ADCY1: variants seen among roughly 807,000 people sequenced by gnomAD.
ADCY1 encodes the protein adenylate cyclase type 1.
Under a neutral mutation model 105.4 loss-of-function variants are expected in ADCY1, and 28 were observed. That is an observed-to-expected ratio of 0.27 (90% CI 0.20 to 0.36). The LOEUF (loss-of-function observed/expected upper bound fraction) is 0.36. ADCY1 is among the 10% of genes least tolerant of loss of function. ADCY1 has a pLI of 1.00. For missense variants in ADCY1, 977 were observed against 1,434.2 expected (o/e 0.68, Z 5.15); for synonymous variants, 655 against 623.8 (o/e 1.05, Z -0.75).
At chr7:45,584,032 T>C (rs956620544) in intron 1 of ADCY1, among the ~76,000 whole-genome samples, 2 of 150,216 alleles carry the variant, frequency 1.3e-5, no homozygotes, top group Non-Finnish European at 3.0e-5. Flanking sequence ...ACTGCAGCCT[T>C]GAACTCCTGG....
chr7:45,693,881 C>G (rs1431452301), intron 14 of ADCY1, among the ~76,000 whole-genome samples: 2 of 130,826 alleles, frequency 1.5e-5, no homozygotes, highest in African/African-American at 5.9e-5. Flanking sequence ...AACCAAACAC[C>G]GCATATTCTC....
intron 18 of ADCY1, among the ~76,000 whole-genome samples, chr7:45,709,564 C>A (rs962376167): frequency 6.6e-5 from 10 of 152,204 alleles, no homozygotes; most frequent in African/African-American, 2.4e-4. Context: ...GCCCACCTTC[C>A]CCAGCTCACA....
chr7:45,711,607 GTATATATATATATATATATATA>G (rs71030888), intron 19 of ADCY1, among the ~76,000 whole-genome samples: 29 of 70,808 alleles, frequency 4.1e-4, no homozygotes, highest in African/African-American at 1.1e-3. Context: ...ACTTCGTGCT[GTATATATATATATATATATATA>G]TATATATATA....
intron 14 of ADCY1, among the ~76,000 whole-genome samples, chr7:45,696,438 C>CAA (rs11365338): frequency 1.7e-3 from 123 of 73,874 alleles, no homozygotes; most frequent in African/African-American, 5.6e-3. Flanking sequence ...TACTCCATCT[C>CAA]AAAAAAAAAA....
intron 14 of ADCY1, among the ~76,000 whole-genome samples, chr7:45,694,115 T>A (rs141610937): frequency 0.17 from 19,773 of 116,736 alleles, 3,095 homozygotes; most frequent in African/African-American, 0.23. Flanking sequence ...TAGAGTATAA[T>A]AAAAAAAAAA....
intron 4 of ADCY1, among the ~76,000 whole-genome samples, chr7:45,642,945 A>G (rs1336653896): frequency 6.6e-6 from 1 of 152,166 alleles, no homozygotes; most frequent in African/African-American, 2.4e-5. Context: ...TAAATGTTCA[A>G]TTCTTTTTAC....
chr7:45,648,563 T>A, intron 4 of ADCY1, 107 bp from the exon 5 acceptor site: 1 of 1,479,070 alleles, frequency 6.8e-7, no homozygotes, highest in Non-Finnish European at 9.2e-7. Context: ...GCAGCATGTC[T>A]TGCCAGCGCT....
chr7:45,702,872 A>C (rs1320824138), intron 14 of ADCY1, among the ~76,000 whole-genome samples: 3 of 152,210 alleles, frequency 2.0e-5, no homozygotes, highest in Non-Finnish European at 4.4e-5. Flanking sequence ...AGGTCCCTGC[A>C]GGGTTCTACT....
chr7:45,668,924 G>A (rs1010908603), intron 8 of ADCY1, among the ~76,000 whole-genome samples: 2 of 152,184 alleles, frequency 1.3e-5, no homozygotes, highest in African/African-American at 4.8e-5. Flanking sequence ...GCGTAGAAGT[G>A]TTTATAGTAT....
rs944691921 is a variant in ADCY1, at chr7:45,686,084, C to G, written c.2196C>G (p.Leu732=). Residue 732 remains leucine, a synonymous_variant, in exon 13 of 20, where the codon CTC becomes CTG. Transcript: ENST00000297323. This position sits in a 1 kb window ranked among gnomAD's most constrained non-coding sequence, Gnocchi z 4.3. ...GCGAGTCTACACACCATGCCCTGCT[C>G]TGCTGCCTGGTGGGCACCCTCCCGC... ...LPCESTHHAL[L]CCLVGTLPLA... is the part of the protein sequence containing the mutation. 1 of 1,614,176 alleles carries G rather than the reference C, an allele frequency of 6.2e-7. No individual in the cohort carries two copies. The highest frequency in any genetic ancestry group is 2.2e-5 in the East Asian group (1 of 44,864).
intron 4 of ADCY1, among the ~76,000 whole-genome samples, chr7:45,626,654 T>C (rs871563): frequency 0.033 from 4,983 of 152,272 alleles, 123 homozygotes; most frequent in African/African-American, 0.064. Flanking sequence ...ACAACTCTGG[T>C]GTAAATTGGC....
intron 6 of ADCY1, 23 bp from the exon 7 acceptor site, chr7:45,660,019 G>T: frequency 6.2e-7 from 1 of 1,613,710 alleles, no homozygotes; most frequent in Non-Finnish European, 8.5e-7. Flanking sequence ...CACTCATCTG[G>T]CCTCTGCCTC....
At chr7:45,579,484 C>T (rs556461975) in intron 1 of ADCY1, among the ~76,000 whole-genome samples, 1 of 152,286 alleles carries the variant, frequency 6.6e-6, no homozygotes, top group Non-Finnish European at 1.5e-5. Flanking sequence ...CCCCACGGAC[C>T]CCTCCTCCAC....
At chr7:45,603,339 G>T (rs1470771890) in intron 2 of ADCY1, among the ~76,000 whole-genome samples, 1 of 152,164 alleles carries the variant, frequency 6.6e-6, no homozygotes, top group Non-Finnish European at 1.5e-5. Flanking sequence ...AGAATTGCTA[G>T]GTCTTGTGGT....
In ADCY1 at chr7:45,686,516, G is replaced by A. The variant is rs759729605; in HGVS notation, c.2328-31G>A. ...AGTCTTGCCCTGGAAGCTCGGCACT[G>A]ACTTGGCTTTTCTTCCTCATCTTCC... is the stretch of plus-strand genomic sequence containing the variant. On this transcript the variant is annotated intron_variant, in intron 13 of 19. Transcript: ENST00000297323. This position sits in a 1 kb window ranked among gnomAD's most constrained non-coding sequence, Gnocchi z 4.3. 2 of 1,595,760 alleles carry A rather than the reference G, an allele frequency of 1.3e-6. No homozygotes were observed. Among genetic ancestry groups the A allele is most frequent in the Non-Finnish European group, 8.6e-7 (1 of 1,169,428 alleles).
Position 45,574,562 on chromosome 7 carries a change from G to T in ADCY1, c.19G>T (p.Gly7Cys). 2.0e-6 allele frequency: 2 copies of T among 978,860 alleles called. No homozygotes were observed. The highest frequency in any genetic ancestry group is 4.6e-5 in the South Asian group (1 of 21,748). The allele number at this position is 978,860 out of a possible 1,614,324, so 60.6% of individuals were successfully genotyped here. A position where few individuals can be genotyped will look rare whatever the true frequency, so the allele number is the denominator to read the frequency against. The change falls in exon 1 of 20, where the codon GGC becomes TGC. Residue 7 changes from glycine (G) to cysteine (C), a missense_variant. Physicochemically the swap from Gly to Cys is radical, Grantham distance 159. Coordinates refer to ENST00000297323, the MANE Select transcript of ADCY1 (RefSeq NM_021116.4). The surrounding 1 kb of genome is among the most constrained non-coding windows in gnomAD (Gnocchi z 7.0). ...CGCTGAGATGGCGGGGGCGCCGCGC[G>T]GCGGAGGCGGCGGCGGAGGCGGCGC... The part of the protein sequence containing the change: MAGAPR[G>C]GGGGGGGAGE...
Position 45,691,979 on chromosome 7 carries a change from C to T in ADCY1, c.2454+5306C>T, listed in dbSNP as rs549065947. The stretch of plus-strand genomic sequence containing the variant: ...GCTTCTTGGACCCTGAAATGTTGTA[C>T]GCTTGTTAGTCGTCATCTTGTCCTC... On this transcript the variant is annotated intron_variant, in intron 14 of 19. Transcript: ENST00000297323. Among the ~76,000 whole-genome samples the T allele has an allele frequency of 1.2e-4, 18 of 152,256 alleles. No homozygotes were observed. The South Asian group carries it at 3.1e-3, about 26-fold the overall frequency.
chr7:45,703,898 G>C lies in ADCY1; in HGVS notation c.2718+152G>C. ...AGCACAGGCATTCTGTCTCCTTTGG[G>C]ATCCAGACCAACCATGACAGGAGAG... On this transcript the variant is annotated intron_variant, in intron 16 of 19. Coordinates refer to ENST00000297323, the MANE Select transcript of ADCY1 (RefSeq NM_021116.4). The surrounding 1 kb of genome is among the most constrained non-coding windows in gnomAD (Gnocchi z 5.9). The C allele has an allele frequency of 5.1e-6, 6 of 1,179,904 alleles. No homozygotes were observed. The highest frequency in any genetic ancestry group is 7.0e-6 in the Non-Finnish European group (6 of 857,884). 73.1% of individuals were successfully genotyped at this position (1,179,904 alleles called of 1,614,324 possible).
At position 45,648,744 on chromosome 7, in the gene ADCY1, T is replaced by G. The variant is rs757415759; in HGVS notation, c.1095T>G (p.Thr365=). ...TGTCGGGCCTCACCCAGCCCAAGAC[T>G]GACCATGCCCACTGCTGTGTGGAGA... ...YCVSGLTQPK[T]DHAHCCVEMG... is the part of the protein sequence containing the mutation. Residue 365 remains threonine, a synonymous_variant, in exon 5 of 20, where the codon ACT becomes ACG. Coordinates refer to ENST00000297323, the MANE Select transcript of ADCY1 (RefSeq NM_021116.4). The G allele has an allele frequency of 8.7e-6, 14 of 1,614,164 alleles. No individual in the cohort carries two copies. The highest frequency in any genetic ancestry group is 1.2e-5 in the Non-Finnish European group (14 of 1,180,016).
Sources: gnomAD v4.1 joint callset for allele counts (sites outside exome capture counted in the v4.1 genomes callset) on GRCh38, gnomAD v4.1.1 for gene constraint, Gnocchi (gnomAD v3.1) non-coding constraint, MANE v1.5 for transcripts, NCBI Gene and HGNC (gene_info 2026-07-23, HGNC 2026-07-21) for gene names.